The following DOCK5 variants were observed in gnomAD, a reference collection of about 807,000 sequenced individuals.
The protein encoded by DOCK5 is dedicator of cytokinesis 5.
In DOCK5, 142 loss-of-function variants were observed where a neutral mutation model predicts 251.8. That is an observed-to-expected ratio of 0.56 (90% CI 0.49 to 0.65). The LOEUF (loss-of-function observed/expected upper bound fraction) is 0.65. Among genes scored for constraint, DOCK5 ranks in the 30% least tolerant of loss-of-function variants. DOCK5 has a pLI of 0.00. For synonymous variants in DOCK5, 842 were observed against 835.5 expected, an observed-to-expected ratio of 1.01 and a Z score of -0.13; for missense variants, 2,111 against 2,312.3, an observed-to-expected ratio of 0.91 and a Z score of 1.79.
chr8:25,406,437 C>T (rs938247982), intron 48 of DOCK5, among the ~76,000 whole-genome samples: 14 of 152,232 alleles, frequency 9.2e-5, no homozygotes, highest in African/African-American at 3.4e-4. Context: ...ACAATAATTA[C>T]ATCATAAAAA....
rs1802091205 is a variant in DOCK5 at position 25,210,045 on chromosome 8, TGTGTG to T, written c.43+25095_43+25099del. Among the ~76,000 whole-genome samples, 14 of 20,650 alleles carry T rather than the reference TGTGTG, an allele frequency of 6.8e-4. 4 individuals carry two copies. The highest frequency in any genetic ancestry group is 2.3e-3 in the African/African-American group (10 of 4,340). 13.5% of individuals were successfully genotyped at this position (20,650 alleles called of 152,430 possible). The stretch of plus-strand genomic sequence containing the variant: ...ATATATATATATATAAATGTGTGTG[TGTGTG>T]TGTGTGTGTGTGTGTGTGTATCTGT... On this transcript the variant is annotated intron_variant, in intron 1 of 51. Coordinates refer to ENST00000276440, the MANE Select transcript of DOCK5 (RefSeq NM_024940.8).
chr8:25,377,959 G>A (rs1395013424), intron 38 of DOCK5, among the ~76,000 whole-genome samples: 1 of 151,540 alleles, frequency 6.6e-6, no homozygotes, highest in African/African-American at 2.4e-5. Context: ...GCCCAGGCTG[G>A]TCTAGAACCT....
chr8:25,270,586 C>G (rs556043233), intron 3 of DOCK5, among the ~76,000 whole-genome samples: 205 of 152,216 alleles, frequency 1.3e-3, no homozygotes, highest in African/African-American at 4.8e-3. Flanking sequence ...AAGCCATTCT[C>G]AAACAAAATT....
At chr8:25,273,547 G>A (rs1321407469) in intron 3 of DOCK5, among the ~76,000 whole-genome samples, 1 of 152,250 alleles carries the variant, frequency 6.6e-6, no homozygotes, top group East Asian at 1.9e-4. Flanking sequence ...AGGTTGCAGT[G>A]AGCCGAAATT....
Position 25,342,488 on chromosome 8 carries a change from C to G in DOCK5, c.2598C>G (p.Ser866Arg), listed in dbSNP as rs1437331832. 3 of 1,590,084 alleles carry G rather than the reference C, an allele frequency of 1.9e-6. No individual in the cohort carries two copies. Among genetic ancestry groups the G allele is most frequent in the South Asian group, 2.3e-5 (2 of 87,672 alleles). Reference protein sequence around the residue: ...KLNCMTKIVESTLFRQSECRE... With the variant: ...KLNCMTKIVERTLFRQSECRE... ...ACTGCATGACCAAGATAGTAGAGAG[C>G]ACTCTTTTTCGACAGTCAGGTAAGT... The change falls in exon 25 of 52, where the codon AGC (serine) becomes AGG (arginine). Residue 866 changes from serine (S) to arginine (R), a missense_variant. Ser to Arg is a moderately radical substitution (Grantham distance 110, BLOSUM62 -1). This residue lies in a region of DOCK5 where 1,717 missense variants were observed against 1,892.4 expected (regional missense o/e 0.91). Coordinates refer to ENST00000276440, the MANE Select transcript of DOCK5 (RefSeq NM_024940.8).
chr8:25,275,423 C>T lies in DOCK5; in HGVS notation c.206C>T (p.Ala69Val). 1 of 1,610,208 alleles carries T rather than the reference C, an allele frequency of 6.2e-7. No individual in the cohort carries two copies. The highest frequency in any genetic ancestry group is 8.5e-7 in the Non-Finnish European group (1 of 1,178,844). Residue 69 changes from alanine (A) to valine (V), a missense_variant, in exon 4 of 52, where the codon GCA becomes GTA. Coordinates refer to ENST00000276440, the MANE Select transcript of DOCK5 (RefSeq NM_024940.8). ...GAAACATATATCCATTTGAAAGAGG[C>T]AACTGTGGAAGACCTGGGGTAAGTT... ...FPETYIHLKE[A>V]TVEDLGQHET...
intron 11 of DOCK5, among the ~76,000 whole-genome samples, chr8:25,307,736 C>T (rs1264501415): frequency 6.6e-6 from 1 of 152,146 alleles, no homozygotes; most frequent in Non-Finnish European, 1.5e-5. Flanking sequence ...ATAATCCGTG[C>T]CTTGAGTCCC....
rs755511798 is a variant in DOCK5 at position 25,190,775 on chromosome 8, G to GTTTTTTTT, written c.43+5824_43+5825insTTTTTTTT. 1.6e-3 allele frequency among the ~76,000 whole-genome samples: 85 copies of GTTTTTTTT among 53,962 alleles called. 22 individuals are homozygous for GTTTTTTTT. Among genetic ancestry groups the GTTTTTTTT allele is most frequent in the Non-Finnish European group, 2.3e-3 (68 of 30,044 alleles). 35.4% of individuals were successfully genotyped at this position (53,962 alleles called of 152,430 possible). A position where few individuals can be genotyped will look rare whatever the true frequency, so the allele number is the denominator to read the frequency against. On this transcript the variant is annotated intron_variant, in intron 1 of 51. Coordinates refer to ENST00000276440, the MANE Select transcript of DOCK5 (RefSeq NM_024940.8). ...AAGGCCTGGCCTTAACTTGGTCATG[G>GTTTTTTTT]GTTTTTTTTTTTTTTTTTTTTTTTT... is the stretch of plus-strand genomic sequence containing the variant.
At chr8:25,254,397 A>G (rs1340985932) in intron 2 of DOCK5, among the ~76,000 whole-genome samples, 1 of 152,228 alleles carries the variant, frequency 6.6e-6, no homozygotes, top group Non-Finnish European at 1.5e-5. Context: ...ACTGGACTTT[A>G]TTAAAATTTA....
At chr8:25,349,581 C>T (rs945925696) in intron 26 of DOCK5, among the ~76,000 whole-genome samples, 1 of 152,190 alleles carries the variant, frequency 6.6e-6, no homozygotes, top group African/African-American at 2.4e-5. Context: ...ATATTACTCA[C>T]TCATAAAAAG....
intron 3 of DOCK5, 78 bp from the exon 4 acceptor site, chr8:25,275,308 T>C: frequency 8.1e-6 from 10 of 1,233,342 alleles, no homozygotes; most frequent in Non-Finnish European, 1.1e-5. Flanking sequence ...TTTATTCTCT[T>C]TACTTTGGGC....
At chr8:25,386,927 G>A (rs189127480) in intron 40 of DOCK5, among the ~76,000 whole-genome samples, 43 of 152,288 alleles carry the variant, frequency 2.8e-4, no homozygotes, top group African/African-American at 9.6e-4. Context: ...AAAGTTTTGA[G>A]AATTAAGTTA....
intron 3 of DOCK5, among the ~76,000 whole-genome samples, chr8:25,273,084 T>TGGCACAGCGGCACAGC (rs749413092): frequency 6.6e-6 from 1 of 152,038 alleles, no homozygotes; most frequent in African/African-American, 2.4e-5. Context: ...AGTGGCACAG[T>TGGCACAGCGGCACAGC]GGCACAGCGG....
intron 13 of DOCK5, among the ~76,000 whole-genome samples, chr8:25,311,114 A>G (rs1210691506): frequency 6.6e-6 from 1 of 152,218 alleles, no homozygotes; most frequent in African/African-American, 2.4e-5. Context: ...AGTGATCTGC[A>G]TATGTGTGTG....
intron 26 of DOCK5, among the ~76,000 whole-genome samples, chr8:25,345,891 C>T (rs1321336224): frequency 6.6e-6 from 1 of 152,044 alleles, no homozygotes; most frequent in African/African-American, 2.4e-5. Context: ...GCTCTGTCGC[C>T]CAGGCTGGAG....
chr8:25,279,661 A>C (rs1372737294), intron 5 of DOCK5, among the ~76,000 whole-genome samples: 2 of 152,094 alleles, frequency 1.3e-5, no homozygotes, highest in African/African-American at 4.8e-5. Flanking sequence ...TCTGTCACTC[A>C]GGCTGGAGTG....
chr8:25,267,899 G>T (rs1157030981), intron 2 of DOCK5, among the ~76,000 whole-genome samples: 1 of 151,192 alleles, frequency 6.6e-6, no homozygotes, highest in Admixed American at 6.6e-5. Flanking sequence ...GTCTCGCTCT[G>T]TTGCCTAGGC....
At chr8:25,403,464 G>A (rs1344160481) in intron 47 of DOCK5, 94 bp from the exon 48 acceptor site, 1 of 1,370,512 alleles carries the variant, frequency 7.3e-7, no homozygotes, top group Non-Finnish European at 1.0e-6. Flanking sequence ...GTACAGATGG[G>A]TACTGGTTAG....
At chr8:25,317,318 C>A in intron 14 of DOCK5, 187 bp downstream of exon 14, 2 of 634,074 alleles carry the variant, frequency 3.2e-6, no homozygotes, top group Non-Finnish European at 5.1e-6. Context: ...TATCTAGACT[C>A]TTCTAGACTC....
Sources: gnomAD v4.1 joint callset for allele counts (sites outside exome capture counted in the v4.1 genomes callset) on GRCh38, gnomAD v4.1.1 for gene constraint, gnomAD v4.1.1 regional missense constraint, MANE v1.5 for transcripts, NCBI Gene and HGNC (gene_info 2026-07-23, HGNC 2026-07-21) for gene names.